LRRC4C: variants seen among roughly 807,000 people sequenced by gnomAD.
LRRC4C encodes leucine rich repeat containing 4C.
Under a neutral mutation model 33.6 loss-of-function variants are expected in LRRC4C, and 5 were observed. The ratio of observed to expected loss-of-function variants is 0.15; its 90% confidence interval spans 0.08 to 0.31. The LOEUF (loss-of-function observed/expected upper bound fraction) is 0.31. Ranked by LOEUF, LRRC4C falls within the 10% of genes least tolerant of loss-of-function variation. The pLI is 1.00. For missense variants in LRRC4C, 560 were observed against 796.7 expected (o/e 0.70, Z 3.58); for synonymous variants, 329 against 302.0 (o/e 1.09, Z -0.93).
chr11:40,848,648 T>C lies in LRRC4C; in HGVS notation c.-407+84987A>G, dbSNP rs1205424377. On this transcript the variant is annotated intron_variant, in intron 2 of 6. Transcript: ENST00000528697. ...GATTTGGGGTGGAGAGTTCTGTAGA[T>C]GTCTACTAGGTCTGGTTGGTGCAGA... Among the ~76,000 whole-genome samples, 9 of 152,208 alleles carry C rather than the reference T, an allele frequency of 5.9e-5. No homozygotes were observed. In the South Asian group the frequency reaches 8.3e-4, roughly 14 times the overall value.
intron 2 of LRRC4C, among the ~76,000 whole-genome samples, chr11:40,911,881 A>G (rs4625451): frequency 0.99 from 150,136 of 152,334 alleles, 74,037 homozygotes; most frequent in Middle Eastern, 1. Flanking sequence ...ACCACGGCAC[A>G]AGAACTACGT....
intron 1 of LRRC4C, among the ~76,000 whole-genome samples, chr11:41,019,158 T>C (rs998912483): frequency 1.3e-5 from 2 of 152,046 alleles, no homozygotes; most frequent in Non-Finnish European, 2.9e-5. Flanking sequence ...ACCTGTCCTC[T>C]AAGTTCCCTC....
intron 2 of LRRC4C, among the ~76,000 whole-genome samples, chr11:40,798,149 G>A (rs1950906563): frequency 6.6e-6 from 1 of 152,300 alleles, no homozygotes; most frequent in East Asian, 1.9e-4. Context: ...GTCTGCATGT[G>A]TAAGATGCTG....
chr11:40,994,286 T>C (rs556853823), intron 1 of LRRC4C, among the ~76,000 whole-genome samples: 1 of 152,278 alleles, frequency 6.6e-6, no homozygotes, highest in Admixed American at 6.5e-5. Flanking sequence ...GCATTTCTAT[T>C]ACCTAAAAGT....
chr11:40,452,673 A>G (rs898345001), intron 3 of LRRC4C, among the ~76,000 whole-genome samples: 1 of 152,212 alleles, frequency 6.6e-6, no homozygotes, highest in Non-Finnish European at 1.5e-5. Context: ...CAACCATCCC[A>G]TTACTGGGTA....
intron 2 of LRRC4C, among the ~76,000 whole-genome samples, chr11:40,661,896 C>G (rs962268191): frequency 1.3e-5 from 2 of 152,134 alleles, no homozygotes; most frequent in African/African-American, 4.8e-5. Context: ...ATAAGCAAAT[C>G]AGAACATCCG....
At chr11:41,117,590 C>T (rs1942203355) in intron 1 of LRRC4C, among the ~76,000 whole-genome samples, 1 of 152,056 alleles carries the variant, frequency 6.6e-6, no homozygotes, top group African/African-American at 2.4e-5. Context: ...TTTTACACTT[C>T]ATTTAATGGG....
At chr11:40,774,835 T>C (rs914695940) in intron 2 of LRRC4C, among the ~76,000 whole-genome samples, 5 of 152,140 alleles carry the variant, frequency 3.3e-5, no homozygotes, top group Non-Finnish European at 5.9e-5. Context: ...ATTATGTATC[T>C]ACGGCTTTAA....
At chr11:40,289,102 A>G (rs1258818839) in intron 4 of LRRC4C, among the ~76,000 whole-genome samples, 1 of 152,200 alleles carries the variant, frequency 6.6e-6, no homozygotes, top group Admixed American at 6.5e-5. Flanking sequence ...TATTGAGCCA[A>G]TCTGTCCTGA....
At chr11:41,225,670 A>G (rs1947502637) in intron 1 of LRRC4C, among the ~76,000 whole-genome samples, 1 of 152,152 alleles carries the variant, frequency 6.6e-6, no homozygotes, top group African/African-American at 2.4e-5. Context: ...TCTATCATAT[A>G]TAAACATTTT....
intron 1 of LRRC4C, among the ~76,000 whole-genome samples, chr11:41,233,847 A>C (rs1947907684): frequency 6.6e-6 from 1 of 152,066 alleles, no homozygotes; most frequent in Non-Finnish European, 1.5e-5. Context: ...TATTTTAACA[A>C]TTTATTAATT....
intron 1 of LRRC4C, among the ~76,000 whole-genome samples, chr11:41,161,770 G>A (rs758106996): frequency 2.0e-5 from 3 of 152,010 alleles, no homozygotes; most frequent in Admixed American, 6.5e-5. Flanking sequence ...TATTTTCATC[G>A]GGATGTGATT....
At chr11:40,773,577 A>C (rs889209372) in intron 2 of LRRC4C, among the ~76,000 whole-genome samples, 1 of 152,136 alleles carries the variant, frequency 6.6e-6, no homozygotes, top group Non-Finnish European at 1.5e-5. Flanking sequence ...CTCATAATAC[A>C]TATATGAATA....
At chr11:40,853,232 T>A (rs994145220) in intron 2 of LRRC4C, among the ~76,000 whole-genome samples, 2 of 152,112 alleles carry the variant, frequency 1.3e-5, no homozygotes, top group Non-Finnish European at 2.9e-5. Flanking sequence ...ACTACATTAC[T>A]GGCTTATTCA....
intron 2 of LRRC4C, among the ~76,000 whole-genome samples, chr11:40,914,926 G>A (rs946928979): frequency 2.6e-5 from 4 of 152,148 alleles, no homozygotes; most frequent in Admixed American, 6.5e-5. Context: ...GCCAACTCAT[G>A]AGTGAACTCC....
chr11:41,193,316 C>A (rs753877706), intron 1 of LRRC4C, among the ~76,000 whole-genome samples: 1 of 152,072 alleles, frequency 6.6e-6, no homozygotes, highest in African/African-American at 2.4e-5. Context: ...CTCCTAAAAA[C>A]CATCTGATTC....
Position 40,682,481 on chromosome 11 carries a change from G to T in LRRC4C, c.-406-34203C>A, listed in dbSNP as rs146126305. Among the ~76,000 whole-genome samples, 171 of 152,078 alleles carry T rather than the reference G, an allele frequency of 1.1e-3. No individual in the cohort carries two copies. In the Middle Eastern group the frequency reaches 0.024, roughly 21 times the overall value. ...AATTATGTAACACTTTTCATCTAAA[G>T]ATATCTTTGTTTGTCTGGGTGCAGT... On this transcript the variant is annotated intron_variant, in intron 2 of 6. Transcript: ENST00000528697.
At chr11:41,456,329 A>G in intron 1 of LRRC4C, among the ~76,000 whole-genome samples, 1 of 151,966 alleles carries the variant, frequency 6.6e-6, no homozygotes, top group East Asian at 1.9e-4. Flanking sequence ...CCAGAGCTCC[A>G]AAAGCTCCTC....
At chr11:40,516,790 T>C (rs1386422403) in intron 3 of LRRC4C, among the ~76,000 whole-genome samples, 1 of 152,154 alleles carries the variant, frequency 6.6e-6, no homozygotes, top group Non-Finnish European at 1.5e-5. Flanking sequence ...TGGTTGGAGT[T>C]GGCATAGGAC....
Sources: gnomAD v4.1 joint callset for allele counts (sites outside exome capture counted in the v4.1 genomes callset) on GRCh38, gnomAD v4.1.1 for gene constraint, MANE v1.5 for transcripts, NCBI Gene and HGNC (gene_info 2026-07-23, HGNC 2026-07-21) for gene names.